SLC25A36: variants seen among roughly 807,000 people sequenced by gnomAD.
The protein encoded by SLC25A36 is solute carrier family 25 member 36.
Under a neutral mutation model 35.3 loss-of-function variants are expected in SLC25A36, and 24 were observed. That is an observed-to-expected ratio of 0.68 (90% confidence interval 0.49 to 0.96). The LOEUF is 0.96. Among genes scored for constraint, SLC25A36 ranks in the 40% least tolerant of loss-of-function variants. The pLI, the probability that SLC25A36 is intolerant of heterozygous loss-of-function variation, is 0.00. For synonymous variants in SLC25A36, 141 were observed against 132.2 expected, an observed-to-expected ratio of 1.07 and a Z score of -0.46; for missense variants, 294 against 381.1, an observed-to-expected ratio of 0.77 and a Z score of 1.90.
chr3:140,959,433 T>C, intron 2 of SLC25A36, 30 bp from the exon 3 acceptor site: 1 of 1,240,912 alleles, frequency 8.1e-7, no homozygotes, highest in Non-Finnish European at 1.1e-6. Context: ...TGAAAGATAT[T>C]TCTGATAGAA....
chr3:140,970,075 G>A (rs1336322999), intron 4 of SLC25A36, among the ~76,000 whole-genome samples: 1 of 151,906 alleles, frequency 6.6e-6, no homozygotes, highest in Non-Finnish European at 1.5e-5. Context: ...AGCTAGGAAG[G>A]TGGCAAGTAA....
At chr3:140,952,246 G>C (rs1464336378) in intron 1 of SLC25A36, among the ~76,000 whole-genome samples, 1 of 152,044 alleles carries the variant, frequency 6.6e-6, no homozygotes, top group Non-Finnish European at 1.5e-5. Flanking sequence ...TCGAATTCCT[G>C]ATCTCAGGTG....
At chr3:140,956,938 G>A (rs1576480804) in intron 2 of SLC25A36, 1 of 509,924 alleles carries the variant, frequency 2.0e-6, no homozygotes. Flanking sequence ...ATCCAGTGGA[G>A]TTTTTTCTAA....
intron 3 of SLC25A36, among the ~76,000 whole-genome samples, chr3:140,960,786 A>G (rs1489233479): frequency 1.5e-5 from 2 of 130,168 alleles, no homozygotes; most frequent in Non-Finnish European, 3.2e-5. Context: ...GTAGTTTTTA[A>G]AAAAGTCAAA....
chr3:140,964,106 A>G (rs1209117561), intron 4 of SLC25A36: 2 of 152,014 alleles, frequency 1.3e-5, no homozygotes, highest in African/African-American at 4.8e-5. Context: ...TGATCAATAA[A>G]TTGAATGTCA....
intron 1 of SLC25A36, among the ~76,000 whole-genome samples, chr3:140,945,901 G>A (rs890378716): frequency 5.3e-5 from 8 of 152,122 alleles, no homozygotes; most frequent in Admixed American, 1.3e-4. Context: ...GTGGTTCTGC[G>A]TTGTTTCAAT....
At chr3:140,962,367 G>A (rs1233121704) in intron 3 of SLC25A36, among the ~76,000 whole-genome samples, 2 of 152,150 alleles carry the variant, frequency 1.3e-5, no homozygotes, top group Non-Finnish European at 2.9e-5. Context: ...ATAATTCAAA[G>A]CATGGGAAGT....
At chr3:140,966,450 C>T (rs893193250) in intron 4 of SLC25A36, 4 of 179,910 alleles carry the variant, frequency 2.2e-5, no homozygotes, top group Non-Finnish European at 4.8e-5. Context: ...ATTGTAGCAA[C>T]GTATTCTTTA....
At chr3:140,956,361 A>C (rs528345785) in intron 1 of SLC25A36, among the ~76,000 whole-genome samples, 166 bp from the exon 2 acceptor site, 1 of 152,222 alleles carries the variant, frequency 6.6e-6, no homozygotes, top group Non-Finnish European at 1.5e-5. Context: ...TATGAAATCA[A>C]ATAATGGAAT....
At chr3:140,942,290 G>T (rs1376742932) in intron 1 of SLC25A36, among the ~76,000 whole-genome samples, 195 bp downstream of exon 1, 1 of 150,756 alleles carries the variant, frequency 6.6e-6, no homozygotes, top group Non-Finnish European at 1.5e-5. Flanking sequence ...CCGGTTCGGG[G>T]AAGCAAGGGG....
intron 1 of SLC25A36, among the ~76,000 whole-genome samples, chr3:140,950,351 A>C (rs1934286653): frequency 1.3e-5 from 2 of 149,688 alleles, no homozygotes; most frequent in Non-Finnish European, 2.9e-5. Context: ...TCATATGGTC[A>C]GCTGTGTTCA....
chr3:140,963,062 C>T (rs1934670802), intron 3 of SLC25A36, 65 bp from the exon 4 acceptor site: 1 of 989,682 alleles, frequency 1.0e-6, no homozygotes, highest in African/African-American at 1.7e-5. Flanking sequence ...TTATGAAGAT[C>T]AATTTATATG....
At chr3:140,970,598 A>G (rs945893271) in intron 4 of SLC25A36, 1 of 160,214 alleles carries the variant, frequency 6.2e-6, no homozygotes, top group East Asian at 1.7e-4. Flanking sequence ...AGAATACACA[A>G]AATGTCTATG....
At chr3:140,966,888 G>A (rs1934773537) in intron 4 of SLC25A36, 1 of 455,734 alleles carries the variant, frequency 2.2e-6, no homozygotes, top group South Asian at 1.5e-5. Context: ...TTCTGATGAG[G>A]TCACTGCTTG....
chr3:140,971,030 G>C, intron 5 of SLC25A36, 37 bp downstream of exon 5: 2 of 851,252 alleles, frequency 2.3e-6, no homozygotes, highest in Non-Finnish European at 4.0e-6. Context: ...GGTTAAAGTG[G>C]ATTTAACTAA....
At position 140,963,173 on chromosome 3, in the gene SLC25A36, G is replaced by A. The variant is rs367765049; in HGVS notation, c.331G>A (p.Asp111Asn). The A allele has an allele frequency of 3.1e-5, 50 of 1,596,088 alleles. No individual in the cohort carries two copies. The highest frequency in any genetic ancestry group is 2.0e-4 in the Admixed American group (11 of 55,506). ...AYSNCKEKLN[D>N]VFDPDSTQVH... ...TTCAAACTGCAAGGAAAAGTTGAAT[G>A]ATGTATTTGATCCTGATTCTACCCA... The change falls in exon 4 of 7, where the codon GAT becomes AAT. Residue 111 changes from aspartate to asparagine, a missense_variant. By Grantham distance (23) the Asp-to-Asn change is conservative (BLOSUM62 1). Coordinates refer to ENST00000324194, the MANE Select transcript of SLC25A36 (RefSeq NM_001104647.3).
intron 4 of SLC25A36, among the ~76,000 whole-genome samples, chr3:140,969,860 G>A (rs1934857377): frequency 2.0e-5 from 3 of 151,828 alleles, no homozygotes; most frequent in African/African-American, 7.2e-5. Context: ...TAAAAAGAAT[G>A]TGCCTGACCC....
chr3:140,963,202 A>G lies in SLC25A36; in HGVS notation c.360A>G (p.Val120=), dbSNP rs1934674218. ...NDVFDPDSTQ[V]HMISAAMAGF... ...TATTTGATCCTGATTCTACCCAAGT[A>G]CATATGATTTCAGCTGCAATGGCAG... Residue 120 remains valine, a synonymous_variant, in exon 4 of 7, where the codon GTA becomes GTG. Transcript: ENST00000324194. 6.3e-7 allele frequency: 1 copy of G among 1,590,586 alleles called. No individual in the cohort carries two copies.
At chr3:140,960,265 T>C (rs1415863830) in intron 3 of SLC25A36, among the ~76,000 whole-genome samples, 1 of 152,202 alleles carries the variant, frequency 6.6e-6, no homozygotes, top group Admixed American at 6.5e-5. Context: ...AAGTGTTTGC[T>C]AGATTTGTGA....
Sources: allele counts gnomAD v4.1 joint callset (sites outside exome capture counted in the v4.1 genomes callset), GRCh38; gene constraint gnomAD v4.1.1; transcripts MANE v1.5; gene names NCBI Gene and HGNC (gene_info 2026-07-23, HGNC 2026-07-21).